APH1B: variants seen among roughly 807,000 people sequenced by gnomAD.
APH1B encodes gamma-secretase subunit APH-1B.
In APH1B, 27 loss-of-function variants were observed where a neutral mutation model predicts 28.2. That is an observed-to-expected ratio of 0.96 (90% CI 0.70 to 1.32). APH1B has a LOEUF of 1.32. Ranked by LOEUF, APH1B falls within the 40% of genes most tolerant of loss-of-function variation. The probability of loss-of-function intolerance (pLI) is 0.00; values close to 1 mark genes in which losing one functional copy is unlikely to be tolerated. For missense variants in APH1B, 305 were observed against 313.6 expected (o/e 0.97, Z 0.21); for synonymous variants, 141 against 124.6 (o/e 1.13, Z -0.88).
At chr15:63,278,141 T>A (rs11858705) in intron 1 of APH1B, 123,184 of 367,724 alleles carry the variant, frequency 0.33, 22,547 homozygotes, top group East Asian at 0.63. Flanking sequence ...GACTTCCGCC[T>A]ATTAGAATCA....
In APH1B at chr15:63,305,975, C is replaced by T. The variant is rs553366872; in HGVS notation, c.*194C>T. ...CTCAGTGGTGTGCGTCCTGGCTGCA[C>T]GAGAATCACCTGGGACAGTGTAAAG... On this transcript the variant is annotated 3_prime_UTR_variant, in exon 6 of 6. Transcript: ENST00000261879. The T allele has an allele frequency of 3.3e-5, 22 of 659,358 alleles. No individual in the cohort carries two copies. Among genetic ancestry groups the T allele is most frequent in the Non-Finnish European group, 4.4e-5 (18 of 410,130 alleles). 40.8% of individuals were successfully genotyped at this position (659,358 alleles called of 1,614,324 possible).
intron 4 of APH1B, among the ~76,000 whole-genome samples, chr15:63,299,272 T>C (rs771961418): frequency 1.3e-5 from 2 of 152,172 alleles, no homozygotes; most frequent in Non-Finnish European, 2.9e-5. Context: ...CCAAGAAATA[T>C]GGACCTAGAA....
intron 4 of APH1B, among the ~76,000 whole-genome samples, chr15:63,290,549 A>G (rs777929357): frequency 6.6e-6 from 1 of 152,258 alleles, no homozygotes; most frequent in Non-Finnish European, 1.5e-5. Flanking sequence ...AGTGGGGAAT[A>G]AAGACAAACA....
chr15:63,295,940 C>G (rs1036319300), intron 4 of APH1B, among the ~76,000 whole-genome samples: 5 of 152,130 alleles, frequency 3.3e-5, no homozygotes, highest in African/African-American at 1.2e-4. Flanking sequence ...CAGTGATGAG[C>G]TAATTTGAGG....
intron 3 of APH1B, chr15:63,287,212 C>T (rs2038456465): frequency 1.3e-5 from 7 of 542,260 alleles, no homozygotes; most frequent in South Asian, 1.1e-4. Context: ...TACTCTGCTG[C>T]ATTCTGCCAT....
chr15:63,284,490 A>C (rs915084985), intron 2 of APH1B, among the ~76,000 whole-genome samples: 8 of 152,218 alleles, frequency 5.3e-5, no homozygotes, highest in African/African-American at 1.9e-4. Flanking sequence ...CTGAGATTAT[A>C]GGCGTGGGCC....
intron 4 of APH1B, among the ~76,000 whole-genome samples, chr15:63,289,555 A>G (rs1384681419): frequency 6.6e-6 from 1 of 152,236 alleles, no homozygotes; most frequent in Non-Finnish European, 1.5e-5. Context: ...TCCTTCACCG[A>G]CATGACGCCA....
intron 2 of APH1B, among the ~76,000 whole-genome samples, chr15:63,286,224 A>C (rs2038443860): frequency 6.6e-6 from 1 of 152,246 alleles, no homozygotes; most frequent in African/African-American, 2.4e-5. Context: ...ATCCCATAGG[A>C]TATTGAATTA....
chr15:63,308,820 CA>C lies in APH1B; in HGVS notation c.*3040del, dbSNP rs2038713408. On this transcript the variant is annotated 3_prime_UTR_variant, in exon 6 of 6. Coordinates refer to ENST00000261879, the MANE Select transcript of APH1B (RefSeq NM_031301.4). ...AGCTCAGTTTTTTTCTGGGCTCCACCATTCCTAACTCCAGGTAGACAAGATA... is the reference window on the plus strand; with the variant it reads ...AGCTCAGTTTTTTTCTGGGCTCCACCTTCCTAACTCCAGGTAGACAAGATA... The C allele has an allele frequency of 6.6e-6, 1 of 152,200 alleles. No homozygotes were observed. The allele number at this position is 152,200 out of a possible 1,614,324, so 9.4% of individuals were successfully genotyped here.
chr15:63,302,938 C>G (rs1263634580), intron 5 of APH1B, among the ~76,000 whole-genome samples: 1 of 152,080 alleles, frequency 6.6e-6, no homozygotes, highest in African/African-American at 2.4e-5. Flanking sequence ...ATCTTCGTAT[C>G]CTCAATTCAT....
rs2038663728 is a variant in APH1B at position 63,304,219 on chromosome 15, A to G, written c.607-1395A>G. Among the ~76,000 whole-genome samples the G allele has an allele frequency of 6.6e-6, 1 of 152,230 alleles. No individual in the cohort carries two copies. The highest frequency in any genetic ancestry group is 6.5e-5 in the Admixed American group (1 of 15,278). On this transcript the variant is annotated intron_variant, in intron 5 of 5. Transcript: ENST00000261879. The surrounding 1 kb of genome is among the most constrained non-coding windows in gnomAD (Gnocchi z 5.1). The stretch of plus-strand genomic sequence containing the variant: ...GACAGAAATACCAAAAGGCAGCACC[A>G]GGCTGTGGTGTTGAAGCCAGCGTCA...
intron 2 of APH1B, 129 bp downstream of exon 2, chr15:63,279,460 A>G (rs1038790177): frequency 2.1e-5 from 16 of 746,556 alleles, no homozygotes; most frequent in African/African-American, 9.0e-5. Flanking sequence ...AGATTGGTAC[A>G]TTTCCAGCCT....
intron 4 of APH1B, among the ~76,000 whole-genome samples, chr15:63,295,034 C>G (rs60160488): frequency 0.21 from 32,341 of 152,130 alleles, 3,712 homozygotes; most frequent in Admixed American, 0.31. Context: ...CTTTTTCTCC[C>G]ATAACTTACA....
At chr15:63,303,215 G>GAAAATC (rs1039699880) in intron 5 of APH1B, among the ~76,000 whole-genome samples, 8 of 152,204 alleles carry the variant, frequency 5.3e-5, no homozygotes, top group Non-Finnish European at 1.0e-4. Flanking sequence ...GCACCTAGAT[G>GAAAATC]AAAATCAAAA....
At chr15:63,303,671 T>G (rs1278731395) in intron 5 of APH1B, among the ~76,000 whole-genome samples, 3 of 152,122 alleles carry the variant, frequency 2.0e-5, no homozygotes, top group Non-Finnish European at 2.9e-5. Context: ...AACTTTTAAA[T>G]TTTTTTGTAG....
At chr15:63,297,483 T>TCGTG (rs1259127366) in intron 4 of APH1B, among the ~76,000 whole-genome samples, 1 of 152,132 alleles carries the variant, frequency 6.6e-6, no homozygotes. Context: ...TGAGCCATGA[T>TCGTG]CGCACCATTG....
At chr15:63,303,874 A>AC (rs374335586) in intron 5 of APH1B, among the ~76,000 whole-genome samples, 90 of 145,652 alleles carry the variant, frequency 6.2e-4, no homozygotes, top group Non-Finnish European at 6.9e-4. Context: ...ACACACACAC[A>AC]ACACACACAC....
rs571212327 is a variant in APH1B, at chr15:63,286,272, C to T, written c.285-286C>T. Among the ~76,000 whole-genome samples, 8 of 152,150 alleles carry T rather than the reference C, an allele frequency of 5.3e-5. No homozygotes were observed. The East Asian group carries it at 9.6e-4, about 18-fold the overall frequency. ...GTTCAGCAAGCAGTTGAAAGTGTTG[C>T]GGTTTTTATCTTTTTAAATTCAATT... On this transcript the variant is annotated intron_variant, in intron 2 of 5. Coordinates refer to ENST00000261879, the MANE Select transcript of APH1B (RefSeq NM_031301.4).
chr15:63,292,178 A>G (rs2038512843), intron 4 of APH1B, among the ~76,000 whole-genome samples: 1 of 152,222 alleles, frequency 6.6e-6, no homozygotes, highest in Admixed American at 6.5e-5. Context: ...CAAATTCCAA[A>G]GTAGTAGAGA....
Sources: allele counts gnomAD v4.1 joint callset (sites outside exome capture counted in the v4.1 genomes callset), GRCh38; gene constraint gnomAD v4.1.1; non-coding constraint Gnocchi (gnomAD v3.1); transcripts MANE v1.5; gene names NCBI Gene and HGNC (gene_info 2026-07-23, HGNC 2026-07-21).